The following DMD variants were observed in gnomAD, a reference collection of about 807,000 sequenced individuals.
DMD encodes mutant dystrophin.
A neutral mutation model predicts 330.1 loss-of-function variants in DMD; 63 were observed. The ratio of observed to expected loss-of-function variants is 0.19; its 90% CI spans 0.16 to 0.24. The LOEUF (loss-of-function observed/expected upper bound fraction) is 0.24. Ranked by LOEUF, DMD falls within the 10% of genes least tolerant of loss-of-function variation. The probability of loss-of-function intolerance (pLI) is 1.00; values close to 1 mark genes in which losing one functional copy is unlikely to be tolerated. For synonymous variants in DMD, 1,223 were observed against 959.8 expected, an observed-to-expected ratio of 1.27 and a Z score of -5.07; for missense variants, 3,344 against 2,684.1, an observed-to-expected ratio of 1.25 and a Z score of -5.43.
At chrX:31,923,852 T>C (rs1247979733) in intron 47 of DMD, among the ~76,000 whole-genome samples, 1 of 111,957 alleles carries the variant, frequency 8.9e-6, no homozygotes, top group Non-Finnish European at 1.9e-5. Context: ...CGCCTGGGCC[T>C]CCCAAAGTGC....
chrX:32,331,902 G>A (rs2097682055), intron 41 of DMD, among the ~76,000 whole-genome samples: 1 of 111,401 alleles, frequency 9.0e-6, no homozygotes, highest in African/African-American at 3.3e-5. Context: ...CATAGTGATG[G>A]CTTTGGACTA....
intron 63 of DMD, among the ~76,000 whole-genome samples, chrX:31,251,104 C>T (rs1298671174): frequency 1.8e-5 from 2 of 108,762 alleles, no homozygotes; most frequent in African/African-American, 6.7e-5. Context: ...AAAAAACCCA[C>T]CACCAACAAA....
chrX:32,699,406 T>C (rs781719679), intron 7 of DMD, 113 bp from the exon 8 acceptor site: 1 of 602,238 alleles, frequency 1.7e-6, no homozygotes, highest in African/African-American at 2.2e-5. Flanking sequence ...AACAGTGAAT[T>C]GTCCATGAAT....
intron 1 of DMD, among the ~76,000 whole-genome samples, chrX:33,263,639 T>C (rs1166064816): frequency 9.2e-6 from 1 of 109,085 alleles, no homozygotes; most frequent in Admixed American, 9.9e-5. Flanking sequence ...TTCATAATAC[T>C]ATTATTACAT....
At chrX:32,644,916 T>C (rs2059689237) in intron 10 of DMD, 48 bp downstream of exon 10, 1 of 1,181,014 alleles carries the variant, frequency 8.5e-7, no homozygotes, top group South Asian at 1.8e-5. Context: ...TGACTTGCCA[T>C]TATAACAAGT....
At chrX:32,343,347 C>A in intron 39 of DMD, 61 bp from the exon 40 acceptor site, 3 of 1,026,231 alleles carry the variant, frequency 2.9e-6, no homozygotes, top group Non-Finnish European at 4.0e-6. Context: ...CTTCTGGCTG[C>A]AGTTATTTAT....
chrX:32,993,534 C>T (rs1278493917), intron 2 of DMD, among the ~76,000 whole-genome samples: 2 of 108,350 alleles, frequency 1.8e-5, no homozygotes, highest in Non-Finnish European at 3.8e-5. Flanking sequence ...ACCCAGGAGG[C>T]AGAGGTTGCA....
In DMD at chrX:32,645,109, A is replaced by G. The variant is rs540761988; in HGVS notation, c.1004T>C (p.Met335Thr). The change falls in exon 10 of 79, where the codon ATG becomes ACG. Residue 335 changes from methionine (M) to threonine (T), a missense_variant. Physicochemically the swap from Met to Thr is moderately conservative, Grantham distance 81. Transcript: ENST00000357033. ...ACGGTCCAGGTTTACTTCACTCTCC[A>G]TCAATGAACTGCCAAATGACTTGTC... ...PEDKSFGSSL[M>T]ESEVNLDRYQ... The G allele has an allele frequency of 3.8e-5, 46 of 1,210,095 alleles. No individual in the cohort carries two copies. The East Asian group carries it at 1.2e-3, about 31-fold the overall frequency.
chrX:33,020,018 A>C, intron 2 of DMD, 121 bp downstream of exon 2: 1 of 511,482 alleles, frequency 2.0e-6, no homozygotes, highest in Non-Finnish European at 3.2e-6. Context: ...AGATTTGCAC[A>C]GCTAAAATAA....
chrX:32,719,637 G>C (rs758432719), intron 7 of DMD, among the ~76,000 whole-genome samples: 2 of 111,713 alleles, frequency 1.8e-5, no homozygotes, highest in African/African-American at 6.5e-5. Flanking sequence ...ATATTGTACA[G>C]ATGCACATGA....
At chrX:33,002,063 T>C (rs1237868268) in intron 2 of DMD, among the ~76,000 whole-genome samples, 1 of 111,330 alleles carries the variant, frequency 9.0e-6, no homozygotes, top group African/African-American at 3.3e-5. Flanking sequence ...TGCCTATTCA[T>C]TCCCCTTTTG....
rs1177978814 is a variant in DMD at position 31,120,335 on chromosome X, G to GAATC, written c.*1580_*1583dup. 2 of 107,940 alleles carry GAATC rather than the reference G, an allele frequency of 1.9e-5. No homozygotes were observed. Among genetic ancestry groups the GAATC allele is most frequent in the Non-Finnish European group, 3.8e-5 (2 of 52,198 alleles). The allele number at this position is 107,940 out of a possible 1,213,427, so 8.9% of individuals were successfully genotyped here. ...CAAGAAGGGTTTTTTTGTAACATTT[G>GAATC]AATCAATTTGCCTTCTTTCTTACTT... is the stretch of plus-strand genomic sequence containing the variant. On this transcript the variant is annotated 3_prime_UTR_variant, in exon 79 of 79. Coordinates refer to ENST00000357033, the MANE Select transcript of DMD (RefSeq NM_004006.3).
chrX:31,318,954 T>C (rs189598628), intron 62 of DMD, among the ~76,000 whole-genome samples: 3 of 112,138 alleles, frequency 2.7e-5, no homozygotes, highest in Non-Finnish European at 3.8e-5. Flanking sequence ...GGCAGAAATA[T>C]AAGGTCAAAC....
intron 60 of DMD, among the ~76,000 whole-genome samples, chrX:31,363,869 G>A (rs1175228349): frequency 1.8e-5 from 2 of 112,264 alleles, no homozygotes; most frequent in Non-Finnish European, 3.8e-5. Context: ...TCCAGAAATT[G>A]CCATGTCCCC....
intron 42 of DMD, among the ~76,000 whole-genome samples, chrX:32,300,259 T>A (rs1168184899): frequency 1.8e-5 from 2 of 111,872 alleles, no homozygotes; most frequent in African/African-American, 3.2e-5. Flanking sequence ...TCAGGTATGG[T>A]CAGACGTGAG....
chrX:31,823,036 A>G (rs1358477208), intron 49 of DMD, among the ~76,000 whole-genome samples: 7 of 111,309 alleles, frequency 6.3e-5, no homozygotes, highest in Non-Finnish European at 1.3e-4. Flanking sequence ...TGTTTAGCCA[A>G]CTGGGATTAG....
At chrX:32,468,016 GCATAGTTGACTCCTACTTTTTAT>G (rs2040225640) in intron 23 of DMD, among the ~76,000 whole-genome samples, 1 of 109,926 alleles carries the variant, frequency 9.1e-6, no homozygotes. Context: ...CATATAGACA[GCATAGTTGACTCCTACTTTTTAT>G]AAGTAGCAAA....
intron 44 of DMD, among the ~76,000 whole-genome samples, chrX:32,124,990 G>A (rs1341636848): frequency 3.7e-5 from 4 of 109,456 alleles, no homozygotes; most frequent in Non-Finnish European, 1.9e-5. Flanking sequence ...CAAAGTTAGT[G>A]TAGTTGGAGT....
At chrX:31,851,659 C>T (rs910659006) in intron 48 of DMD, among the ~76,000 whole-genome samples, 8 of 111,920 alleles carry the variant, frequency 7.1e-5, no homozygotes, top group Admixed American at 1.9e-4. Context: ...TATGTAACAG[C>T]GAATAAAACA....
Sources: gnomAD v4.1 joint callset for allele counts (sites outside exome capture counted in the v4.1 genomes callset) on GRCh38, gnomAD v4.1.1 for gene constraint, MANE v1.5 for transcripts, NCBI Gene and HGNC (gene_info 2026-07-23, HGNC 2026-07-21) for gene names.